CSMD3: variants seen among roughly 807,000 people sequenced by gnomAD.
The protein encoded by CSMD3 is CUB and sushi domain-containing protein 3.
In CSMD3, 177 loss-of-function variants were observed where a neutral mutation model predicts 435.2. The ratio of observed to expected loss-of-function variants is 0.41; its 90% confidence interval spans 0.36 to 0.46. The LOEUF (loss-of-function observed/expected upper bound fraction) is 0.46, where lower values mean the gene tolerates loss of function less well. CSMD3 is among the 20% of genes least tolerant of loss of function. The pLI, the probability that CSMD3 is intolerant of heterozygous loss-of-function variation, is 0.34. For synonymous variants in CSMD3, 1,656 were observed against 1,520.5 expected (o/e 1.09, Z -2.07); for missense variants, 4,265 against 4,504.6 (o/e 0.95, Z 1.52).
At chr8:112,246,765 A>C (rs552785298) in intron 64 of CSMD3, among the ~76,000 whole-genome samples, 1 of 152,338 alleles carries the variant, frequency 6.6e-6, no homozygotes, top group South Asian at 2.1e-4. Context: ...TAAAATTACC[A>C]GGTGGCAAAA....
chr8:113,068,858 T>C (rs1456433211), intron 5 of CSMD3, among the ~76,000 whole-genome samples: 1 of 152,148 alleles, frequency 6.6e-6, no homozygotes, highest in African/African-American at 2.4e-5. Context: ...TATTTGACTG[T>C]TGATGCTCTT....
intron 13 of CSMD3, among the ~76,000 whole-genome samples, chr8:112,793,119 T>TATATATATAATA (rs2078731758): frequency 6.7e-6 from 1 of 148,242 alleles, no homozygotes; most frequent in Non-Finnish European, 1.5e-5. Flanking sequence ...CATATTTATA[T>TATATATATAATA]TGCTAATATA....
intron 1 of CSMD3, among the ~76,000 whole-genome samples, chr8:113,315,596 A>C (rs1047069978): frequency 6.7e-6 from 1 of 148,718 alleles, no homozygotes; most frequent in Non-Finnish European, 1.5e-5. Flanking sequence ...TATCAGGTAT[A>C]TATATTAAAT....
intron 10 of CSMD3, among the ~76,000 whole-genome samples, chr8:112,867,624 A>G (rs530542522): frequency 6.6e-6 from 1 of 152,154 alleles, no homozygotes. Flanking sequence ...GATACACTGT[A>G]TACAATAAAA....
chr8:113,233,951 G>A (rs1224563121), intron 3 of CSMD3, among the ~76,000 whole-genome samples: 1 of 152,006 alleles, frequency 6.6e-6, no homozygotes, highest in Non-Finnish European at 1.5e-5. Context: ...ATTGACAGCT[G>A]CACATACAGT....
intron 5 of CSMD3, among the ~76,000 whole-genome samples, chr8:113,025,909 T>A (rs2086858629): frequency 1.3e-5 from 2 of 152,178 alleles, no homozygotes; most frequent in South Asian, 2.1e-4. Context: ...ACTGCAGCCA[T>A]CTGTGTGAGT....
chr8:112,533,094 A>G (rs964099254), intron 27 of CSMD3, among the ~76,000 whole-genome samples: 1 of 152,110 alleles, frequency 6.6e-6, no homozygotes, highest in Non-Finnish European at 1.5e-5. Context: ...CCATACAGTA[A>G]TCACAAAACA....
rs141568192 is a variant in CSMD3 at position 113,436,693 on chromosome 8, C to G, written c.162G>C (p.Thr54=). ...CAGACCTACCTTTCACACAAGACAC[C>G]GTCAATAAAAAGACGAGGTTCCAAA... ...FTFWNLVFLL[T]VSCVKGFIYT... Residue 54 remains threonine (T), a synonymous_variant, in exon 1 of 71, where the codon ACG becomes ACC. Transcript: ENST00000297405. 5.1e-4 allele frequency: 829 copies of G among 1,614,096 alleles called. 17 individuals are homozygous for G. The East Asian group carries it at 0.016, about 31-fold the overall frequency.
intron 13 of CSMD3, among the ~76,000 whole-genome samples, chr8:112,706,074 A>T (rs905555406): frequency 1.3e-5 from 2 of 152,056 alleles, no homozygotes; most frequent in African/African-American, 4.8e-5. Context: ...GAGGATAGGA[A>T]ACTCAGATAT....
intron 25 of CSMD3, among the ~76,000 whole-genome samples, chr8:112,555,105 AAAG>A (rs777981984): frequency 6.6e-5 from 10 of 151,974 alleles, no homozygotes; most frequent in African/African-American, 1.4e-4. Context: ...GAATTTTAAT[AAAG>A]AAGATTACCC....
rs1274336973 is a variant in CSMD3, at chr8:112,517,068, C to T, written c.4722G>A (p.Arg1574=). 3 of 1,613,694 alleles carry T rather than the reference C, an allele frequency of 1.9e-6. No homozygotes were observed. Among genetic ancestry groups the T allele is most frequent in the Non-Finnish European group, 2.5e-6 (3 of 1,179,858 alleles). The change falls in exon 28 of 71, where the codon CGG becomes CGA. Residue 1574 remains arginine, a synonymous_variant. Coordinates refer to ENST00000297405, the MANE Select transcript of CSMD3 (RefSeq NM_198123.2). The part of the protein sequence containing the change: ...ERITCIQVEN[R]YFWQPSPPVC... ...CTGGTGGGCTGGGCTGCCAGAAGTACCGATTTTCTACCTGAATGCAGGTTA... is the reference window on the plus strand; with the variant it reads ...CTGGTGGGCTGGGCTGCCAGAAGTATCGATTTTCTACCTGAATGCAGGTTA...
At chr8:112,312,228 A>T (rs1822043215) in intron 49 of CSMD3, among the ~76,000 whole-genome samples, 1 of 152,168 alleles carries the variant, frequency 6.6e-6, no homozygotes, top group African/African-American at 2.4e-5. Flanking sequence ...AAATTCTTCA[A>T]GATGACTGGG....
intron 4 of CSMD3, among the ~76,000 whole-genome samples, chr8:113,156,425 A>T (rs1402722523): frequency 6.6e-6 from 1 of 151,972 alleles, no homozygotes; most frequent in East Asian, 1.9e-4. Flanking sequence ...TTACCAGACT[A>T]TTCTCTTCGT....
At chr8:112,489,039 TA>T (rs1422817709) in intron 31 of CSMD3, among the ~76,000 whole-genome samples, 4 of 152,248 alleles carry the variant, frequency 2.6e-5, no homozygotes, top group African/African-American at 4.8e-5. Context: ...AAAATTATCT[TA>T]AAAAAATAAA....
intron 24 of CSMD3, among the ~76,000 whole-genome samples, chr8:112,569,192 T>G (rs528934403): frequency 1.2e-4 from 18 of 152,268 alleles, no homozygotes; most frequent in Middle Eastern, 3.4e-3. Context: ...GCCTTAAACA[T>G]GCCCATAGTT....
Position 112,522,210 on chromosome 8 carries a change from C to T in CSMD3, c.4565-4985G>A, listed in dbSNP as rs569282960. Among the ~76,000 whole-genome samples, 3 of 151,680 alleles carry T rather than the reference C, an allele frequency of 2.0e-5. No homozygotes were observed. In the South Asian group the frequency reaches 6.2e-4, roughly 32 times the overall value. On this transcript the variant is annotated intron_variant, in intron 27 of 70. Transcript: ENST00000297405. ...TACCCATGGCTAAAATTCTCATTAC[C>T]CCGAATGTGAAAAAAGATAGACATG...
At chr8:112,494,869 A>C (rs1417298250) in intron 30 of CSMD3, among the ~76,000 whole-genome samples, 1 of 152,038 alleles carries the variant, frequency 6.6e-6, no homozygotes, top group East Asian at 1.9e-4. Flanking sequence ...AAATAGATAA[A>C]TGTGATTCCT....
intron 12 of CSMD3, among the ~76,000 whole-genome samples, chr8:112,828,168 G>A (rs900767415): frequency 6.6e-6 from 1 of 152,164 alleles, no homozygotes; most frequent in African/African-American, 2.4e-5. Flanking sequence ...TCTGGAAAAT[G>A]TCAGTTCAGT....
rs1822278305 is a variant in CSMD3 at position 112,314,516 on chromosome 8, T to C, written c.7462A>G (p.Ile2488Val). The C allele has an allele frequency of 3.1e-6, 5 of 1,611,764 alleles. No homozygotes were observed. Among genetic ancestry groups the C allele is most frequent in the Non-Finnish European group, 4.2e-6 (5 of 1,178,092 alleles). Residue 2488 changes from isoleucine (I) to valine (V), a missense_variant, in exon 48 of 71, where the codon ATT (isoleucine) becomes GTT (valine). Coordinates refer to ENST00000297405, the MANE Select transcript of CSMD3 (RefSeq NM_198123.2). ...ATATTATAACCCTTTTCCACTGAAA[T>C]GCTCCATGCACACATTTGAAGATTT... The part of the protein sequence containing the change: ...YPNLQMCAWS[I>V]SVEKGYNITM...
Sources: gnomAD v4.1 joint callset for allele counts (sites outside exome capture counted in the v4.1 genomes callset) on GRCh38, gnomAD v4.1.1 for gene constraint, MANE v1.5 for transcripts, NCBI Gene and HGNC (gene_info 2026-07-23, HGNC 2026-07-21) for gene names.